Variants in SRSF7 observed in about 807,000 individuals in gnomAD.
SRSF7 encodes the protein serine and arginine rich splicing factor 7.
SRSF7 carries 15 observed loss-of-function variants against 42.2 expected under a neutral mutation model. The observed-to-expected ratio is 0.36, with a 90% confidence interval of 0.24 to 0.55. The LOEUF (loss-of-function observed/expected upper bound fraction) is 0.55, where lower values mean the gene tolerates loss of function less well. SRSF7 is among the 20% of genes least tolerant of loss of function. The pLI is 0.88. For missense variants in SRSF7, 181 were observed against 305.9 expected, an observed-to-expected ratio of 0.59 and a Z score of 3.04; for synonymous variants, 138 against 107.9, an observed-to-expected ratio of 1.28 and a Z score of -1.73.
intron 3 of SRSF7, chr2:38,749,008 C>A: frequency 3.9e-6 from 5 of 1,288,560 alleles, no homozygotes; most frequent in South Asian, 2.7e-5. Context: ...AATCTAACGA[C>A]GATCAAACTG....
chr2:38,748,501 A>G (rs949973000), intron 4 of SRSF7, 78 bp downstream of exon 4: 2 of 1,483,800 alleles, frequency 1.3e-6, no homozygotes, highest in Non-Finnish European at 1.9e-6. Context: ...TCCAAAAAAA[A>G]TAATGAGCTT....
rs558088578 is a variant in SRSF7 at position 38,747,584 on chromosome 2, A to G, written c.572+463T>C. ...AAACGGTCTAAAAAAAAAAATCCAC[A>G]TTCATTTCTGTGTACACACTACTGC... On this transcript the variant is annotated intron_variant, in intron 5 of 7. Transcript: ENST00000313117. 2.6e-5 allele frequency among the ~76,000 whole-genome samples: 4 copies of G among 152,178 alleles called. No individual in the cohort carries two copies. In the South Asian group the frequency reaches 8.3e-4, roughly 32 times the overall value.
chr2:38,748,478 G>T, intron 4 of SRSF7, 101 bp downstream of exon 4: 1 of 1,218,824 alleles, frequency 8.2e-7, no homozygotes, highest in Non-Finnish European at 1.2e-6. Flanking sequence ...GGGTGACAGA[G>T]CAAGACCCTG....
chr2:38,751,167 T>A (rs1463772239), intron 1 of SRSF7, 62 bp downstream of exon 1: 3 of 1,606,058 alleles, frequency 1.9e-6, no homozygotes, highest in Non-Finnish European at 2.6e-6. Flanking sequence ...GCGACAACCC[T>A]ACGGCCTCGC....
At chr2:38,745,272 G>T in intron 7 of SRSF7, 85 bp from the exon 8 acceptor site, 1 of 1,371,380 alleles carries the variant, frequency 7.3e-7, no homozygotes, top group South Asian at 1.2e-5. Flanking sequence ...TAACTTCAAA[G>T]GTGGCCTAAG....
Position 38,749,561 on chromosome 2 carries a change from A to G in SRSF7, c.354T>C (p.Asp118=). The change falls in exon 3 of 8, where the codon GAT becomes GAC. Residue 118 remains aspartate (D), a synonymous_variant. Coordinates refer to ENST00000313117, the MANE Select transcript of SRSF7 (RefSeq NM_001031684.3). ...ECGEKGHYAY[D]CHRYSRRRRS... ...TTCTTCGCCGGCTGTAACGATGACA[A>G]TCATAAGCATAATGTCCCTTTTCGC... is the stretch of plus-strand genomic sequence containing the variant. The G allele has an allele frequency of 1.3e-6, 2 of 1,586,968 alleles. No homozygotes were observed. The highest frequency in any genetic ancestry group is 2.2e-5 in the East Asian group (1 of 44,668).
chr2:38,750,956 G>C (rs933638959), intron 1 of SRSF7: 29 of 407,650 alleles, frequency 7.1e-5, no homozygotes, highest in African/African-American at 5.7e-4. Context: ...GCAGCTCCGA[G>C]AAAGGCAACG....
chr2:38,748,685 T>C, intron 3 of SRSF7, 32 bp from the exon 4 acceptor site: 1 of 1,602,520 alleles, frequency 6.2e-7, no homozygotes, highest in Admixed American at 1.7e-5. Flanking sequence ...AAACAAAATG[T>C]CAGACAATAA....
At position 38,749,481 on chromosome 2, in the gene SRSF7, T is replaced by C; in HGVS notation, c.386+48A>G. 1.9e-6 allele frequency: 3 copies of C among 1,545,350 alleles called. No homozygotes were observed. The South Asian group carries it at 3.7e-5, about 19-fold the overall frequency. On this transcript the variant is annotated intron_variant, in intron 3 of 7. Coordinates refer to ENST00000313117, the MANE Select transcript of SRSF7 (RefSeq NM_001031684.3). ...AGTTTCTGCCTTGCTAATAAAAGAA[T>C]TACTTGATTAACTAGAATACCAACC...
intron 3 of SRSF7, chr2:38,748,999 A>G: frequency 7.8e-7 from 1 of 1,287,812 alleles, no homozygotes; most frequent in Non-Finnish European, 1.0e-6. Flanking sequence ...GTTTTCTTCA[A>G]TCTAACGACG....
chr2:38,746,261 A>G (rs1315551020), intron 6 of SRSF7, 82 bp from the exon 7 acceptor site: 1 of 1,470,294 alleles, frequency 6.8e-7, no homozygotes, highest in South Asian at 1.1e-5. Context: ...TAAAACCCCC[A>G]AATGTCCTAA....
Position 38,748,614 on chromosome 2 carries a change from T to G in SRSF7, c.426A>C (p.Arg142=). Residue 142 remains arginine, a synonymous_variant, in exon 4 of 8, where the codon CGA becomes CGC. Transcript: ENST00000313117. ...SRSHSRSRGR[R]YSRSRSRSRG... The stretch of plus-strand genomic sequence containing the variant: ...TGCTCCTGCTGCGTGAGCGAGAGTA[T>G]CGCCTTCCTCTGGATCGAGAATGTG... The G allele has an allele frequency of 6.2e-7, 1 of 1,614,232 alleles. No individual in the cohort carries two copies.
chr2:38,750,843 C>T (rs1017192727), intron 1 of SRSF7: 1 of 278,032 alleles, frequency 3.6e-6, no homozygotes, highest in South Asian at 3.9e-5. Context: ...CAGATCTGTC[C>T]GCTGAAGTGG....
At position 38,751,307 on chromosome 2, in the gene SRSF7, A is replaced by C; in HGVS notation, c.-51T>G. 6.2e-6 allele frequency: 10 copies of C among 1,613,470 alleles called. No individual in the cohort carries two copies. The highest frequency in any genetic ancestry group is 8.5e-6 in the Non-Finnish European group (10 of 1,179,730). Reference sequence around the variant, plus strand: ...TTTAGCAAGCAGCGCCCAGGGCTCGAGTGACGCAAAAGCTGACACACACCT... The same window carrying C: ...TTTAGCAAGCAGCGCCCAGGGCTCGCGTGACGCAAAAGCTGACACACACCT... On this transcript the variant is annotated 5_prime_UTR_variant, in exon 1 of 8. Transcript: ENST00000313117.
At chr2:38,748,533 G>C in intron 4 of SRSF7, 46 bp downstream of exon 4, 3 of 1,576,592 alleles carry the variant, frequency 1.9e-6, no homozygotes, top group Non-Finnish European at 2.6e-6. Flanking sequence ...GACTACCAGT[G>C]AATTTAATAA....
Position 38,745,030 on chromosome 2 carries a change from G to C in SRSF7, c.*103C>G. On this transcript the variant is annotated 3_prime_UTR_variant, in exon 8 of 8. Coordinates refer to ENST00000313117, the MANE Select transcript of SRSF7 (RefSeq NM_001031684.3). The stretch of plus-strand genomic sequence containing the variant: ...TAGTAATCCAGATCCATTTTGATTA[G>C]ATGGTTGAATTATCTTTCCTAGGTT... 1.7e-6 allele frequency: 2 copies of C among 1,161,390 alleles called. No individual in the cohort carries two copies. The highest frequency in any genetic ancestry group is 1.5e-5 in the South Asian group (1 of 67,980). The allele number at this position is 1,161,390 out of a possible 1,614,324, so 71.9% of individuals were successfully genotyped here.
At chr2:38,747,938 A>T in intron 5 of SRSF7, 109 bp downstream of exon 5, 4 of 734,122 alleles carry the variant, frequency 5.4e-6, no homozygotes, top group East Asian at 2.7e-5. Context: ...CCAAACTTTT[A>T]CATCTCAAAT....
intron 6 of SRSF7, 90 bp from the exon 7 acceptor site, chr2:38,746,269 T>G: frequency 7.0e-7 from 1 of 1,435,684 alleles, no homozygotes; most frequent in Non-Finnish European, 9.8e-7. Flanking sequence ...CCAAATGTCC[T>G]AAGCTTAAAA....
Position 38,746,170 on chromosome 2 carries a change from CTT to C in SRSF7, c.634_635del (p.Lys212ValfsTer23). 6.2e-7 allele frequency: 1 copy of C among 1,614,046 alleles called. No homozygotes were observed. Among genetic ancestry groups the C allele is most frequent in the East Asian group, 2.2e-5 (1 of 44,844 alleles). ...SISRPRSSRS[K>X]SRSPSPKRSR... ...TTCTTTTTGGAGATGGAGATCTGGA[CTT>C]TGATCGGCTGTCAAAACATGAGAAA... On this transcript the variant is annotated frameshift_variant, in exon 7 of 8. Coordinates refer to ENST00000313117, the MANE Select transcript of SRSF7 (RefSeq NM_001031684.3). LOFTEE classifies it high-confidence loss of function.
Sources: gnomAD v4.1 joint callset for allele counts (sites outside exome capture counted in the v4.1 genomes callset) on GRCh38, gnomAD v4.1.1 for gene constraint, MANE v1.5 for transcripts, NCBI Gene and HGNC (gene_info 2026-07-23, HGNC 2026-07-21) for gene names.